CLEC18B: variants seen among roughly 807,000 people sequenced by gnomAD.
The protein encoded by CLEC18B is C-type lectin domain family 18 member B.
In CLEC18B, 5 loss-of-function variants were observed where a neutral mutation model predicts 60.4. The ratio of observed to expected loss-of-function variants is 0.08; its 90% CI spans 0.04 to 0.17. The LOEUF is 0.17. Ranked by LOEUF, CLEC18B falls within the 10% of genes least tolerant of loss-of-function variation. The pLI is 1.00. For missense variants in CLEC18B, 26 were observed against 572.8 expected (o/e 0.05, Z 9.74); for synonymous variants, 16 against 221.2 (o/e 0.07, Z 8.23).
chr16:74,418,785 G>GC (rs2013540124), intron 2 of CLEC18B, among the ~76,000 whole-genome samples: 1 of 134,052 alleles, frequency 7.5e-6, no homozygotes. Context: ...AGCTGACCCC[G>GC]CCCCCTCCCT....
chr16:74,413,849 C>CTTTTTTATTTATTTACTTAT (rs10676553), intron 3 of CLEC18B, among the ~76,000 whole-genome samples, 173 bp from the exon 4 acceptor site: 4 of 149,470 alleles, frequency 2.7e-5, no homozygotes, highest in African/African-American at 9.8e-5. Flanking sequence ...TTCAGGAAGG[C>CTTTTTTATTTATTTACTTAT]TTATTTATTT....
chr16:74,416,282 A>C (rs1295606865), intron 3 of CLEC18B, among the ~76,000 whole-genome samples: 1 of 149,820 alleles, frequency 6.7e-6, no homozygotes, highest in East Asian at 2.1e-4. Context: ...AAAAAAATTA[A>C]GGAGCCAGAA....
intron 3 of CLEC18B, among the ~76,000 whole-genome samples, chr16:74,414,123 C>A (rs1341924885): frequency 2.6e-5 from 4 of 152,302 alleles, no homozygotes; most frequent in African/African-American, 9.6e-5. Flanking sequence ...GAACTGCTTG[C>A]CTCGGCCTCC....
chr16:74,420,093 G>T (rs145599906), intron 2 of CLEC18B, among the ~76,000 whole-genome samples: 2 of 151,020 alleles, frequency 1.3e-5, no homozygotes, highest in Non-Finnish European at 3.0e-5. Flanking sequence ...GGTCCTTGCC[G>T]CACAGAAGCC....
At position 74,421,396 on chromosome 16, in the gene CLEC18B, G is replaced by C; in HGVS notation, c.-126C>G. ...GCTGGGCTGGTGGACAAAAGAGGGG[G>C]GCTGGTGAACAAAAGAAGGAGGCTG... On this transcript the variant is annotated 5_prime_UTR_variant, in exon 1 of 12. Coordinates refer to ENST00000682950, the MANE Select transcript of CLEC18B (RefSeq NM_001385193.1). The C allele has an allele frequency of 6.2e-7, 1 of 1,600,476 alleles. No individual in the cohort carries two copies.
At chr16:74,416,107 C>CA (rs2013403414) in intron 3 of CLEC18B, among the ~76,000 whole-genome samples, 2 of 151,628 alleles carry the variant, frequency 1.3e-5, no homozygotes, top group Admixed American at 1.3e-4. Flanking sequence ...AAACAAAATA[C>CA]AAAAAAATAG....
At chr16:74,415,463 AC>A (rs1441277245) in intron 3 of CLEC18B, among the ~76,000 whole-genome samples, 1 of 140,116 alleles carries the variant, frequency 7.1e-6, no homozygotes, top group Non-Finnish European at 1.5e-5. Context: ...CTCAAAACAA[AC>A]AAAAACAACA....
intron 3 of CLEC18B, among the ~76,000 whole-genome samples, chr16:74,416,301 G>A (rs1391607621): frequency 6.6e-6 from 1 of 151,108 alleles, no homozygotes; most frequent in African/African-American, 2.4e-5. Flanking sequence ...AAGATCTTCG[G>A]GAAGTGGGAA....
At chr16:74,413,945 T>C (rs1203369953) in intron 3 of CLEC18B, among the ~76,000 whole-genome samples, 1 of 152,306 alleles carries the variant, frequency 6.6e-6, no homozygotes, top group Non-Finnish European at 1.5e-5. Flanking sequence ...TGATCTTGGC[T>C]CACCACAACC....
At chr16:74,416,262 C>CAA (rs1196546106) in intron 3 of CLEC18B, among the ~76,000 whole-genome samples, 89 of 109,496 alleles carry the variant, frequency 8.1e-4, no homozygotes, top group East Asian at 6.3e-3. Context: ...GACTCCGTCT[C>CAA]AAAAAAAAAA....
At chr16:74,423,534 C>T (rs1254861086), upstream of CLEC18B, among the ~76,000 whole-genome samples, 1 of 152,236 alleles carries the variant, frequency 6.6e-6, no homozygotes, top group African/African-American at 2.4e-5. Flanking sequence ...ACTAAAAATA[C>T]AAAAATTAGC....
chr16:74,416,173 G>C (rs2013405943), intron 3 of CLEC18B, among the ~76,000 whole-genome samples: 1 of 150,458 alleles, frequency 6.6e-6, no homozygotes, highest in African/African-American at 2.4e-5. Context: ...TGAGGCAGGA[G>C]AATGGTGTGA....
Position 74,418,037 on chromosome 16 carries a change from G to C in CLEC18B, c.456+22C>G, listed in dbSNP as rs377146566. 1.2e-4 allele frequency: 195 copies of C among 1,606,676 alleles called. No individual in the cohort carries two copies. In the African/African-American group the frequency reaches 2.4e-3, roughly 19 times the overall value. Reference sequence around the variant, plus strand: ...TCTGTATCTGGGAGCTGGCACGCTGGCCTCACCTGCAGCACACTCACCTGC... The same window carrying C: ...TCTGTATCTGGGAGCTGGCACGCTGCCCTCACCTGCAGCACACTCACCTGC... On this transcript the variant is annotated intron_variant, in intron 3 of 11. Transcript: ENST00000682950.
chr16:74,410,070 G>A (rs1192607758), intron 10 of CLEC18B, among the ~76,000 whole-genome samples: 872 of 150,432 alleles, frequency 5.8e-3, no homozygotes, highest in Admixed American at 0.055. Flanking sequence ...CCTGGGCATT[G>A]CTGGGCTTTG....
upstream of CLEC18B, chr16:74,422,158 CATG>C (rs1273419653): frequency 6.6e-6 from 1 of 151,634 alleles, no homozygotes; most frequent in Non-Finnish European, 1.5e-5. Flanking sequence ...AGCACGTTGC[CATG>C]ATGTGCCGTG....
intron 10 of CLEC18B, among the ~76,000 whole-genome samples, chr16:74,410,100 G>A (rs534415157): frequency 1.6e-3 from 241 of 151,442 alleles, no homozygotes; most frequent in African/African-American, 5.6e-3. Context: ...GTGGGGCCAC[G>A]TGACCAGAGG....
At chr16:74,420,028 A>G (rs1443824197) in intron 2 of CLEC18B, among the ~76,000 whole-genome samples, 1 of 152,396 alleles carries the variant, frequency 6.6e-6, no homozygotes, top group African/African-American at 2.4e-5. Context: ...GAGTGAGCAG[A>G]GAACATGGGC....
At position 74,421,376 on chromosome 16, in the gene CLEC18B, G is replaced by A; in HGVS notation, c.-106C>T. The A allele has an allele frequency of 1.2e-6, 2 of 1,604,242 alleles. No individual in the cohort carries two copies. The highest frequency in any genetic ancestry group is 1.7e-6 in the Non-Finnish European group (2 of 1,176,488). ...TCACAATCTCCAGGAGTCAGGCTGG[G>A]CTGGTGGACAAAAGAGGGGGGCTGG... is the stretch of plus-strand genomic sequence containing the variant. On this transcript the variant is annotated 5_prime_UTR_variant, in exon 1 of 12. Transcript: ENST00000682950.
chr16:74,410,356 C>A (rs56152008), intron 10 of CLEC18B, among the ~76,000 whole-genome samples, 180 bp downstream of exon 10: 364 of 150,730 alleles, frequency 2.4e-3, no homozygotes, highest in African/African-American at 8.6e-3. Flanking sequence ...TTCCGGCTTG[C>A]ATCTCCCTCA....
Sources: gnomAD v4.1 joint callset for allele counts (sites outside exome capture counted in the v4.1 genomes callset) on GRCh38, gnomAD v4.1.1 for gene constraint, MANE v1.5 for transcripts, NCBI Gene and HGNC (gene_info 2026-07-23, HGNC 2026-07-21) for gene names.